STN1: variants seen among roughly 807,000 people sequenced by gnomAD.
STN1 encodes the protein CST complex subunit STN1.
In STN1, 29 loss-of-function variants were observed where a neutral mutation model predicts 45.5. That is an observed-to-expected ratio of 0.64 (90% CI 0.47 to 0.87). The LOEUF (loss-of-function observed/expected upper bound fraction) is 0.87, where lower values mean the gene tolerates loss of function less well. Ranked by LOEUF, STN1 falls within the 40% of genes least tolerant of loss-of-function variation. The pLI, the probability that STN1 is intolerant of heterozygous loss-of-function variation, is 0.00. For missense variants in STN1, 376 were observed against 441.4 expected (o/e 0.85, Z 1.33); for synonymous variants, 148 against 159.0 (o/e 0.93, Z 0.52).
At chr10:103,903,939 T>A (rs1019545914) in intron 4 of STN1, among the ~76,000 whole-genome samples, 4 of 152,178 alleles carry the variant, frequency 2.6e-5, no homozygotes, top group African/African-American at 9.7e-5. Flanking sequence ...GTTCCCAAAT[T>A]AGGAATTAGA....
chr10:103,909,032 T>C (rs1230726722), intron 3 of STN1, among the ~76,000 whole-genome samples: 1 of 152,112 alleles, frequency 6.6e-6, no homozygotes, highest in African/African-American at 2.4e-5. Context: ...TTGAGTAAGT[T>C]ACTAAGCCTT....
intron 7 of STN1, among the ~76,000 whole-genome samples, chr10:103,895,101 T>C (rs1843162790): frequency 6.6e-6 from 1 of 152,218 alleles, no homozygotes; most frequent in Non-Finnish European, 1.5e-5. Context: ...CTCAGTTTAA[T>C]CACACTGACC....
At chr10:103,910,342 T>C (rs150296762) in intron 3 of STN1, among the ~76,000 whole-genome samples, 185 bp downstream of exon 3, 12 of 152,290 alleles carry the variant, frequency 7.9e-5, no homozygotes, top group African/African-American at 2.9e-4. Context: ...GTATCATTCC[T>C]ACCCGTTGCC....
At chr10:103,903,651 G>A (rs907885296) in intron 4 of STN1, among the ~76,000 whole-genome samples, 4 of 152,150 alleles carry the variant, frequency 2.6e-5, no homozygotes, top group African/African-American at 4.8e-5. Flanking sequence ...GGGGAAACCC[G>A]GACCTCACCA....
chr10:103,884,964 C>A (rs891516906), intron 9 of STN1, among the ~76,000 whole-genome samples: 1 of 152,132 alleles, frequency 6.6e-6, no homozygotes, highest in African/African-American at 2.4e-5. Flanking sequence ...TCCTGAACAC[C>A]TACTATGTGT....
At chr10:103,909,160 T>C (rs763734584) in intron 3 of STN1, among the ~76,000 whole-genome samples, 2 of 151,604 alleles carry the variant, frequency 1.3e-5, no homozygotes, top group Non-Finnish European at 2.9e-5. Context: ...GACGCTATTA[T>C]TTCGTTGTTG....
intron 4 of STN1, among the ~76,000 whole-genome samples, chr10:103,903,564 T>C (rs1253764691): frequency 1.3e-5 from 2 of 152,136 alleles, no homozygotes; most frequent in Non-Finnish European, 2.9e-5. Flanking sequence ...GTGGTTCTCA[T>C]TCTCACGCTC....
chr10:103,904,759 G>T (rs1484583336), intron 4 of STN1, among the ~76,000 whole-genome samples: 1 of 152,166 alleles, frequency 6.6e-6, no homozygotes, highest in Non-Finnish European at 1.5e-5. Flanking sequence ...AGGGGATTCA[G>T]ACCTGACTTG....
At chr10:103,884,824 C>T (rs1780428982) in intron 9 of STN1, among the ~76,000 whole-genome samples, 1 of 152,232 alleles carries the variant, frequency 6.6e-6, no homozygotes, top group Admixed American at 6.5e-5. Context: ...GGTTCAGAGA[C>T]TGCTCCTGGG....
At chr10:103,909,434 GTA>G (rs1163280565) in intron 3 of STN1, among the ~76,000 whole-genome samples, 3,790 of 56,636 alleles carry the variant, frequency 0.067, 479 homozygotes, top group Non-Finnish European at 0.089. Context: ...GTATATATAT[GTA>G]TATATATGTA....
chr10:103,885,849 A>G (rs1182357456), intron 9 of STN1, among the ~76,000 whole-genome samples: 1 of 152,242 alleles, frequency 6.6e-6, no homozygotes, highest in Admixed American at 6.5e-5. Flanking sequence ...CCTGGCAGAC[A>G]TAGTTATCTT....
intron 8 of STN1, among the ~76,000 whole-genome samples, chr10:103,890,681 C>A (rs890203816): frequency 6.6e-6 from 1 of 152,212 alleles, no homozygotes; most frequent in African/African-American, 2.4e-5. Flanking sequence ...GTGTGGGAGG[C>A]ACTCGCCCTT....
At chr10:103,893,326 G>A (rs796994281) in intron 7 of STN1, among the ~76,000 whole-genome samples, 39 of 152,048 alleles carry the variant, frequency 2.6e-4, no homozygotes, top group African/African-American at 9.2e-4. Flanking sequence ...CTGCCACCAT[G>A]CCCAGCTAAT....
chr10:103,916,557 G>A (rs973791380), intron 2 of STN1, among the ~76,000 whole-genome samples: 1 of 152,198 alleles, frequency 6.6e-6, no homozygotes, highest in Non-Finnish European at 1.5e-5. Context: ...AACTGTGGAT[G>A]CTTGAGATTC....
intron 9 of STN1, among the ~76,000 whole-genome samples, chr10:103,886,417 A>T (rs1843103865): frequency 1.3e-5 from 2 of 151,322 alleles, no homozygotes; most frequent in South Asian, 2.1e-4. Context: ...TTTTTTGATA[A>T]ATTGGAATAT....
chr10:103,918,137 T>A lies in STN1; in HGVS notation c.-100A>T, dbSNP rs1418692764. On this transcript the variant is annotated 5_prime_UTR_variant, in exon 1 of 10. Coordinates refer to ENST00000224950, the MANE Select transcript of STN1 (RefSeq NM_024928.5). ...CCGCCGCCTGCAGCTCCAGGAGCCC[T>A]GAGACCTGGCCCTTCCGGCGCTCGG... 2.6e-5 allele frequency: 4 copies of A among 152,786 alleles called. No individual in the cohort carries two copies. Among genetic ancestry groups the A allele is most frequent in the African/African-American group, 9.7e-5 (4 of 41,404 alleles). 9.5% of individuals were successfully genotyped at this position (152,786 alleles called of 1,614,324 possible).
In STN1 at chr10:103,904,088, C is replaced by T. The variant is rs574791157; in HGVS notation, c.295+1003G>A. Among the ~76,000 whole-genome samples the T allele has an allele frequency of 3.3e-5, 5 of 152,026 alleles. No homozygotes were observed. The South Asian group carries it at 8.3e-4, about 25-fold the overall frequency. On this transcript the variant is annotated intron_variant, in intron 4 of 9. Transcript: ENST00000224950. Reference sequence around the variant, plus strand: ...ACACGTAATGGCAAAAAAGAAGAAACGACTCTAAGCACTAGATATTCTTAC... The same window carrying T: ...ACACGTAATGGCAAAAAAGAAGAAATGACTCTAAGCACTAGATATTCTTAC...
rs3818278 is a variant in STN1 at position 103,905,565 on chromosome 10, G to A, written c.230-409C>T. On this transcript the variant is annotated intron_variant, in intron 3 of 9. Transcript: ENST00000224950. ...TCCCACCCTGAAACAAGAGAGCATC[G>A]TGTGGAGTGTGGTTAGAGGCACAGG... is the stretch of plus-strand genomic sequence containing the variant. Among the ~76,000 whole-genome samples the A allele has an allele frequency of 4.5e-3, 680 of 152,136 alleles. 7 individuals carry two copies. Among genetic ancestry groups the A allele is most frequent in the Admixed American group, 7.0e-3 (107 of 15,276 alleles).
In STN1 at chr10:103,910,594, T is replaced by C. The variant is rs1339959525; in HGVS notation, c.162A>G (p.Ile54Met). The C allele has an allele frequency of 2.5e-6, 4 of 1,609,512 alleles. No individual in the cohort carries two copies. In the South Asian group the frequency reaches 4.4e-5, roughly 18 times the overall value. The change falls in exon 3 of 10, where the codon ATA becomes ATG. Residue 54 changes from isoleucine to methionine, a missense_variant. By Grantham distance (10) the Ile-to-Met change is conservative (BLOSUM62 1). Coordinates refer to ENST00000224950, the MANE Select transcript of STN1 (RefSeq NM_024928.5). ...PGVFLYNGHP[I>M]KQVDVLGTVI... ...CAGTTCCCAAGACATCTACCTGTTT[T>C]ATTGGATGTCCATTGTACAAAAATA...
Sources: allele counts gnomAD v4.1 joint callset (sites outside exome capture counted in the v4.1 genomes callset), GRCh38; gene constraint gnomAD v4.1.1; transcripts MANE v1.5; gene names NCBI Gene and HGNC (gene_info 2026-07-23, HGNC 2026-07-21).